The following HNRNPUL1 variants were observed in gnomAD, a reference collection of about 807,000 sequenced individuals.
HNRNPUL1 encodes heterogeneous nuclear ribonucleoprotein U-like protein 1.
In HNRNPUL1, 14 loss-of-function variants were observed where a neutral mutation model predicts 108.5. The observed-to-expected ratio is 0.13, with a 90% CI of 0.09 to 0.20. HNRNPUL1 has a LOEUF of 0.20. Among genes scored for constraint, HNRNPUL1 ranks in the 10% least tolerant of loss-of-function variants. The pLI, the probability that HNRNPUL1 is intolerant of heterozygous loss-of-function variation, is 1.00. For synonymous variants in HNRNPUL1, 422 were observed against 445.2 expected (o/e 0.95, Z 0.66); for missense variants, 804 against 1,168.3 (o/e 0.69, Z 4.55).
chr19:41,264,864 C>G, intron 1 of HNRNPUL1, 66 bp downstream of exon 1: 1 of 1,344,064 alleles, frequency 7.4e-7, no homozygotes, highest in Non-Finnish European at 9.5e-7. Context: ...CTGTGGGACG[C>G]GGGAGTCCAG....
rs750773817 is a variant in HNRNPUL1, at chr19:41,274,065, T to C, written c.646+10T>C. ...GTTGCTATTGACACCTGTAAGTCTT[T>C]GGAGTGTGCATCTAATTCTGCCTTA... On this transcript the variant is annotated intron_variant, in intron 4 of 14. Coordinates refer to ENST00000392006, the MANE Select transcript of HNRNPUL1 (RefSeq NM_007040.6). The C allele has an allele frequency of 6.2e-7, 1 of 1,610,068 alleles. No homozygotes were observed. The highest frequency in any genetic ancestry group is 8.5e-7 in the Non-Finnish European group (1 of 1,176,248).
At position 41,302,860 on chromosome 19, in the gene HNRNPUL1, G is replaced by A. The variant is rs1038497639; in HGVS notation, c.1883G>A (p.Arg628His). The A allele has an allele frequency of 7.0e-6, 11 of 1,576,392 alleles. No individual in the cohort carries two copies. The highest frequency in any genetic ancestry group is 9.5e-6 in the Non-Finnish European group (11 of 1,160,254). The change falls in exon 12 of 15, where the codon CGC becomes CAC. Residue 628 changes from arginine (R) to histidine (H), a missense_variant. Transcript: ENST00000392006. ...CGCGGGGGTGGTGGTGGCTTCCAGCGCTATGAAAACCGAGGACCCCCTGGA... is the reference window on the plus strand; with the variant it reads ...CGCGGGGGTGGTGGTGGCTTCCAGCACTATGAAAACCGAGGACCCCCTGGA... The part of the protein sequence containing the change: ...RGRGGGGGFQ[R>H]YENRGPPGGN...
At chr19:41,265,470 C>T (rs556945233) in intron 1 of HNRNPUL1, 145 of 1,207,372 alleles carry the variant, frequency 1.2e-4, no homozygotes, top group Non-Finnish European at 1.5e-4. Flanking sequence ...CTAGGGGGCA[C>T]CCCCATCTCT....
At position 41,279,152 on chromosome 19, in the gene HNRNPUL1, C is replaced by T; in HGVS notation, c.862C>T (p.Leu288=). Reference sequence around the variant, plus strand: ...CCACGTGGTCCGTATCGGCTGGTCCCTGGACTCCTGCAGCACCCAGCTAGG... The same window carrying T: ...CCACGTGGTCCGTATCGGCTGGTCCTTGGACTCCTGCAGCACCCAGCTAGG... The part of the protein sequence containing the change: ...DPHVVRIGWS[L]DSCSTQLGEE... Residue 288 remains leucine (L), a synonymous_variant, in exon 6 of 15, where the codon CTG becomes TTG. Transcript: ENST00000392006. 1.2e-6 allele frequency: 2 copies of T among 1,613,410 alleles called. No homozygotes were observed. The highest frequency in any genetic ancestry group is 8.5e-7 in the Non-Finnish European group (1 of 1,179,846).
intron 12 of HNRNPUL1, 42 bp downstream of exon 12, chr19:41,302,991 A>G (rs781088957): frequency 1.3e-6 from 2 of 1,505,156 alleles, no homozygotes; most frequent in Non-Finnish European, 1.8e-6. Context: ...TTCTGTTCCC[A>G]GGTTGGGGCT....
intron 3 of HNRNPUL1, 31 bp from the exon 4 acceptor site, chr19:41,273,950 CT>C: frequency 6.5e-7 from 1 of 1,548,202 alleles, no homozygotes; most frequent in Non-Finnish European, 8.9e-7. Context: ...ATCCATTGTT[CT>C]TGTATGACTT....
Position 41,294,742 on chromosome 19 carries a change from C to T in HNRNPUL1, c.1518+56C>T. ...AGAAGGGAGGGGACCCCTTGCATGC[C>T]TGAGAATCTCCCTCTGGTCCCTTTC... is the stretch of plus-strand genomic sequence containing the variant. On this transcript the variant is annotated intron_variant, in intron 10 of 14. Transcript: ENST00000392006. This position sits in a 1 kb window ranked among gnomAD's most constrained non-coding sequence, Gnocchi z 4.3. 1 of 1,595,932 alleles carries T rather than the reference C, an allele frequency of 6.3e-7. No individual in the cohort carries two copies.
chr19:41,303,589 C>T (rs553592163), intron 12 of HNRNPUL1, among the ~76,000 whole-genome samples: 11 of 152,008 alleles, frequency 7.2e-5, no homozygotes, highest in African/African-American at 1.7e-4. Flanking sequence ...CCTGACCTCA[C>T]GTGGTCCACC....
intron 3 of HNRNPUL1, among the ~76,000 whole-genome samples, chr19:41,273,570 G>A (rs1000440242): frequency 3.3e-5 from 5 of 152,116 alleles, no homozygotes; most frequent in Admixed American, 1.3e-4. Flanking sequence ...GTAATTATTG[G>A]GATTTATATA....
chr19:41,290,671 GC>G (rs1294718258), intron 7 of HNRNPUL1, among the ~76,000 whole-genome samples: 1 of 151,950 alleles, frequency 6.6e-6, no homozygotes, highest in African/African-American at 2.4e-5. Context: ...TTATTACCCC[GC>G]CCCCCTTTTT....
In HNRNPUL1 at chr19:41,294,836, A is replaced by G. The variant is rs1452551156; in HGVS notation, c.1518+150A>G. ...GGGTCAGACCTTGTCATACATGATG[A>G]CATGGTACTACACACAGCTGAGCCT... On this transcript the variant is annotated intron_variant, in intron 10 of 14. Coordinates refer to ENST00000392006, the MANE Select transcript of HNRNPUL1 (RefSeq NM_007040.6). The surrounding 1 kb of genome is among the most constrained non-coding windows in gnomAD (Gnocchi z 4.3). The G allele has an allele frequency of 8.1e-6, 7 of 868,168 alleles. No individual in the cohort carries two copies. The highest frequency in any genetic ancestry group is 1.3e-5 in the Non-Finnish European group (7 of 557,628). 53.8% of individuals were successfully genotyped at this position (868,168 alleles called of 1,614,324 possible). A position where few individuals can be genotyped will look rare whatever the true frequency, so the allele number is the denominator to read the frequency against.
At chr19:41,270,171 C>T (rs1449425620) in intron 2 of HNRNPUL1, among the ~76,000 whole-genome samples, 1 of 151,960 alleles carries the variant, frequency 6.6e-6, no homozygotes, top group Non-Finnish European at 1.5e-5. Context: ...TCAGTAGTGA[C>T]GGGGTTTTAC....
rs754677243 is a variant in HNRNPUL1 at position 41,302,674 on chromosome 19, C to T, written c.1697C>T (p.Thr566Met). The T allele has an allele frequency of 1.3e-5, 21 of 1,614,210 alleles. No individual in the cohort carries two copies. Among genetic ancestry groups the T allele is most frequent in the East Asian group, 2.2e-5 (1 of 44,884 alleles). ...HAVLEMKANF[T>M]LPDVGDFLDE... ...ACTTCCTTCCTCCTAGCCAACTTCA[C>T]GTTGCCAGATGTTGGGGACTTCCTG... The change falls in exon 12 of 15, where the codon ACG (threonine) becomes ATG (methionine). Residue 566 changes from threonine (T) to methionine (M), a missense_variant. Physicochemically the swap from Thr to Met is moderately conservative, Grantham distance 81. Transcript: ENST00000392006.
Position 41,264,416 on chromosome 19 carries a change from C to T in HNRNPUL1, c.-88C>T, listed in dbSNP as rs922129560. 21 of 1,154,950 alleles carry T rather than the reference C, an allele frequency of 1.8e-5. No individual in the cohort carries two copies. Among genetic ancestry groups the T allele is most frequent in the East Asian group, 3.2e-5 (1 of 31,710 alleles). 71.5% of individuals were successfully genotyped at this position (1,154,950 alleles called of 1,614,324 possible). On this transcript the variant is annotated 5_prime_UTR_variant, in exon 1 of 15. Coordinates refer to ENST00000392006, the MANE Select transcript of HNRNPUL1 (RefSeq NM_007040.6). ...ATTGGAGTGGGCCCCCCCCCTTTCC[C>T]CCTTCGCCTCCTGACAGGAAAGGTT...
chr19:41,270,344 C>T (rs577228363), intron 2 of HNRNPUL1, among the ~76,000 whole-genome samples: 9 of 152,088 alleles, frequency 5.9e-5, no homozygotes, highest in African/African-American at 2.2e-4. Flanking sequence ...GTTGAGGCTC[C>T]ATGAGCCATG....
intron 2 of HNRNPUL1, among the ~76,000 whole-genome samples, chr19:41,270,855 A>C (rs1276883456): frequency 6.6e-6 from 1 of 152,130 alleles, no homozygotes; most frequent in East Asian, 1.9e-4. Flanking sequence ...TCGGCCTCCC[A>C]GAGTGCTGGG....
chr19:41,305,771 T>C lies in HNRNPUL1; in HGVS notation c.2358T>C (p.Tyr786=). The change falls in exon 14 of 15, where the codon TAT becomes TAC. Residue 786 remains tyrosine (Y), a synonymous_variant. Transcript: ENST00000392006. ...PPPPPPPAYN[Y]GSYGGYNPAP... ...CTCCACCACCACCTGCCTACAACTA[T>C]GGGAGCTACGGCGGTTACAACCCGG... is the stretch of plus-strand genomic sequence containing the variant. The C allele has an allele frequency of 6.2e-7, 1 of 1,613,774 alleles. No homozygotes were observed. Among genetic ancestry groups the C allele is most frequent in the South Asian group, 1.1e-5 (1 of 91,064 alleles).
At chr19:41,276,663 G>A (rs2035576415) in intron 5 of HNRNPUL1, 1 of 172,566 alleles carries the variant, frequency 5.8e-6, no homozygotes, top group South Asian at 1.5e-4. Flanking sequence ...GGAGGCCAGA[G>A]GGAGAACAGG....
chr19:41,274,128 A>G, intron 4 of HNRNPUL1, 73 bp downstream of exon 4: 2 of 1,227,682 alleles, frequency 1.6e-6, no homozygotes, highest in Non-Finnish European at 2.4e-6. Flanking sequence ...GACCTTCACC[A>G]GAATCCCTGC....
Sources: allele counts gnomAD v4.1 joint callset (sites outside exome capture counted in the v4.1 genomes callset), GRCh38; gene constraint gnomAD v4.1.1; non-coding constraint Gnocchi (gnomAD v3.1); transcripts MANE v1.5; gene names NCBI Gene and HGNC (gene_info 2026-07-23, HGNC 2026-07-21).